The following CSTF3 variants were observed in gnomAD, a reference collection of about 807,000 sequenced individuals.
CSTF3 encodes cleavage stimulation factor subunit 3.
A neutral mutation model predicts 105.8 loss-of-function variants in CSTF3; 29 were observed. That is an observed-to-expected ratio of 0.27 (90% confidence interval 0.20 to 0.37). The LOEUF (loss-of-function observed/expected upper bound fraction) is 0.37, where lower values mean the gene tolerates loss of function less well. Ranked by LOEUF, CSTF3 falls within the 10% of genes least tolerant of loss-of-function variation. The probability of loss-of-function intolerance (pLI) is 1.00; values close to 1 mark genes in which losing one functional copy is unlikely to be tolerated. For missense variants in CSTF3, 357 were observed against 879.3 expected (o/e 0.41, Z 7.51); for synonymous variants, 252 against 281.9 (o/e 0.89, Z 1.06).
In CSTF3 at chr11:33,099,317, G is replaced by A. The variant is rs1418124971; in HGVS notation, c.937-167C>T. Reference sequence around the variant, plus strand: ...CACACACACATACATAAACACATATGCATTTCTGGATTCTAAAAAAATTCC... The same window carrying A: ...CACACACACATACATAAACACATATACATTTCTGGATTCTAAAAAAATTCC... On this transcript the variant is annotated intron_variant, in intron 11 of 20. Coordinates refer to ENST00000323959, the MANE Select transcript of CSTF3 (RefSeq NM_001326.3). This position sits in a 1 kb window ranked among gnomAD's most constrained non-coding sequence, Gnocchi z 4.1. 6.6e-6 allele frequency among the ~76,000 whole-genome samples: 1 copy of A among 152,010 alleles called. No individual in the cohort carries two copies. Among genetic ancestry groups the A allele is most frequent in the African/African-American group, 2.4e-5 (1 of 41,386 alleles).
At chr11:33,107,029 G>A (rs1670471530) in intron 5 of CSTF3, among the ~76,000 whole-genome samples, 1 of 152,148 alleles carries the variant, frequency 6.6e-6, no homozygotes. Context: ...CCAGCATTTT[G>A]GGAGGCTGAG....
intron 15 of CSTF3, among the ~76,000 whole-genome samples, chr11:33,094,876 A>T (rs1855202331): frequency 6.6e-6 from 1 of 151,772 alleles, no homozygotes; most frequent in African/African-American, 2.4e-5. Context: ...TGATGTATTT[A>T]TTTATATTTA....
Position 33,096,998 on chromosome 11 carries a change from T to G in CSTF3, c.1129-20A>C, listed in dbSNP as rs747494294. 1 of 1,572,392 alleles carries G rather than the reference T, an allele frequency of 6.4e-7. No individual in the cohort carries two copies. The highest frequency in any genetic ancestry group is 2.3e-5 in the East Asian group (1 of 44,384). On this transcript the variant is annotated intron_variant, in intron 13 of 20. Coordinates refer to ENST00000323959, the MANE Select transcript of CSTF3 (RefSeq NM_001326.3). ...ATATACCTATGCAAAAGAAAGTATT[T>G]GTGTTCTATAAATTAGACAGTATGT...
intron 10 of CSTF3, among the ~76,000 whole-genome samples, chr11:33,100,747 G>A (rs747465359): frequency 3.9e-5 from 6 of 152,190 alleles, no homozygotes; most frequent in Non-Finnish European, 8.8e-5. Flanking sequence ...CACAACACCT[G>A]AAGAAGGGAT....
chr11:33,120,756 A>G (rs1178318100), intron 3 of CSTF3, among the ~76,000 whole-genome samples: 1 of 151,972 alleles, frequency 6.6e-6, no homozygotes, highest in Non-Finnish European at 1.5e-5. Context: ...GGATAAAACT[A>G]CCAGTTACTA....
At chr11:33,143,588 A>G (rs1284089034) in intron 1 of CSTF3, among the ~76,000 whole-genome samples, 1 of 152,148 alleles carries the variant, frequency 6.6e-6, no homozygotes, top group African/African-American at 2.4e-5. Context: ...AGTCTCTACT[A>G]AAAACAGAAA....
intron 13 of CSTF3, 91 bp downstream of exon 13, chr11:33,098,599 A>C: frequency 1.3e-6 from 1 of 794,430 alleles, no homozygotes. Context: ...CTATACAACA[A>C]AAACAGTGAA....
chr11:33,152,202 C>T (rs577793351), intron 1 of CSTF3, among the ~76,000 whole-genome samples: 1 of 152,270 alleles, frequency 6.6e-6, no homozygotes, highest in East Asian at 1.9e-4. Context: ...AGAGGTTCCA[C>T]TGAGCCAAGA....
chr11:33,099,457 T>C lies in CSTF3; in HGVS notation c.936+151A>G. The C allele has an allele frequency of 1.6e-6, 1 of 640,642 alleles. No homozygotes were observed. Among genetic ancestry groups the C allele is most frequent in the East Asian group, 3.2e-5 (1 of 31,668 alleles). The allele number at this position is 640,642 out of a possible 1,614,324, so 39.7% of individuals were successfully genotyped here. A position where few individuals can be genotyped will look rare whatever the true frequency, so the allele number is the denominator to read the frequency against. On this transcript the variant is annotated intron_variant, in intron 11 of 20. Coordinates refer to ENST00000323959, the MANE Select transcript of CSTF3 (RefSeq NM_001326.3). This position sits in a 1 kb window ranked among gnomAD's most constrained non-coding sequence, Gnocchi z 4.1. ...TTATTTTAATTCTAAGGAGGTCTAA[T>C]TATATGAGTGTCACTAAGATTCATA...
intron 3 of CSTF3, among the ~76,000 whole-genome samples, chr11:33,118,485 A>G (rs950616902): frequency 6.6e-6 from 1 of 151,880 alleles, no homozygotes; most frequent in South Asian, 2.1e-4. Flanking sequence ...TGGGGTAAGA[A>G]AAATACAGCA....
chr11:33,145,135 T>C (rs975017626), intron 1 of CSTF3, among the ~76,000 whole-genome samples: 1 of 151,494 alleles, frequency 6.6e-6, no homozygotes, highest in Non-Finnish European at 1.5e-5. Flanking sequence ...CCACCAGTGG[T>C]TCAAAAAGAA....
chr11:33,108,392 A>G lies in CSTF3; in HGVS notation c.252T>C (p.Val84=). The G allele has an allele frequency of 6.7e-7, 1 of 1,491,882 alleles. No individual in the cohort carries two copies. The highest frequency in any genetic ancestry group is 2.2e-5 in the Admixed American group (1 of 45,848). 92.4% of individuals were successfully genotyped at this position (1,491,882 alleles called of 1,614,324 possible). The change falls in exon 4 of 21, where the codon GTT becomes GTC. Residue 84 remains valine (V), a synonymous_variant. Coordinates refer to ENST00000323959, the MANE Select transcript of CSTF3 (RefSeq NM_001326.3). ...AEIKAKNYDK[V]EKLFQRCLMK... ...AAAGTATTTGAGGACTCACCTTTTC[A>G]ACCTTGTCATAATTTTTAGCTTTAA...
chr11:33,146,501 T>A (rs898142590), intron 1 of CSTF3, among the ~76,000 whole-genome samples: 1 of 151,422 alleles, frequency 6.6e-6, no homozygotes, highest in African/African-American at 2.4e-5. Context: ...TGCGGTGAGC[T>A]ATAATCACAC....
intron 17 of CSTF3, among the ~76,000 whole-genome samples, chr11:33,089,837 T>A (rs1855147895): frequency 6.6e-6 from 1 of 152,232 alleles, no homozygotes. Flanking sequence ...ATCTTAGTCT[T>A]TGTTCACATG....
rs923477483 is a variant in CSTF3, at chr11:33,107,998, T to C, written c.261A>G (p.Leu87=). 5 of 1,564,628 alleles carry C rather than the reference T, an allele frequency of 3.2e-6. No homozygotes were observed. Among genetic ancestry groups the C allele is most frequent in the Middle Eastern group, 3.4e-4 (2 of 5,948 alleles). Residue 87 remains leucine (L), a splice_region_variant and synonymous_variant, in exon 5 of 21, where the codon CTA becomes CTG. Transcript: ENST00000323959. ...KAKNYDKVEK[L]FQRCLMKVLH... is the part of the protein sequence containing the mutation. ...AAACCTTCATAAGGCATCTCTGAAA[T>C]AGCTTTAAATACAAGAATATATTAT...
Position 33,141,651 on chromosome 11 carries a change from A to C in CSTF3, c.225+16T>G. 3.7e-6 allele frequency: 6 copies of C among 1,603,234 alleles called. No homozygotes were observed. The highest frequency in any genetic ancestry group is 5.1e-6 in the Non-Finnish European group (6 of 1,176,184). ...CTGCAATACTGATATAAGAAAAAAT[A>C]AAATAAAATAGTAACCTCTGCTTCA... On this transcript the variant is annotated intron_variant, in intron 3 of 20. Coordinates refer to ENST00000323959, the MANE Select transcript of CSTF3 (RefSeq NM_001326.3).
chr11:33,100,569 A>C (rs1463084380), intron 10 of CSTF3, among the ~76,000 whole-genome samples: 2 of 152,202 alleles, frequency 1.3e-5, no homozygotes, highest in African/African-American at 4.8e-5. Context: ...CCAGTGAGTA[A>C]GACTTCCTAT....
intron 3 of CSTF3, chr11:33,141,303 T>C (rs748401456): frequency 6.6e-5 from 19 of 287,634 alleles, no homozygotes; most frequent in Non-Finnish European, 1.1e-4. Flanking sequence ...AACATTTCTG[T>C]ATTTTCATAT....
intron 17 of CSTF3, among the ~76,000 whole-genome samples, chr11:33,089,072 C>T (rs570446181): frequency 5.3e-5 from 8 of 152,206 alleles, no homozygotes; most frequent in African/African-American, 1.2e-4. Flanking sequence ...ATGGGCTAGG[C>T]GTGTTGGCTG....
Sources: allele counts gnomAD v4.1 joint callset (sites outside exome capture counted in the v4.1 genomes callset), GRCh38; gene constraint gnomAD v4.1.1; non-coding constraint Gnocchi (gnomAD v3.1); transcripts MANE v1.5; gene names NCBI Gene and HGNC (gene_info 2026-07-23, HGNC 2026-07-21).